Variants in ARHGAP30 observed in about 807,000 individuals in gnomAD.
The protein encoded by ARHGAP30 is Rho GTPase activating protein 30, also known as rho GTPase-activating protein 30.
A neutral mutation model predicts 72.0 loss-of-function variants in ARHGAP30; 23 were observed. The observed-to-expected ratio is 0.32, with a 90% CI of 0.23 to 0.45. ARHGAP30 has a LOEUF of 0.45. ARHGAP30 is among the 20% of genes least tolerant of loss of function. The pLI, the probability that ARHGAP30 is intolerant of heterozygous loss-of-function variation, is 1.00. For synonymous variants in ARHGAP30, 576 were observed against 528.2 expected (o/e 1.09, Z -1.24); for missense variants, 1,319 against 1,383.4 (o/e 0.95, Z 0.74).
intron 1 of ARHGAP30, among the ~76,000 whole-genome samples, chr1:161,060,984 G>C (rs545199211): frequency 6.6e-6 from 1 of 151,830 alleles, no homozygotes; most frequent in African/African-American, 2.4e-5. Context: ...GATTACAGGC[G>C]TGAGCCACCG....
chr1:161,055,838 AAAAT>A (rs576750487), intron 3 of ARHGAP30, among the ~76,000 whole-genome samples: 4,753 of 24,836 alleles, frequency 0.19, 321 homozygotes, highest in African/African-American at 0.36. Flanking sequence ...AAAATAAAAT[AAAAT>A]AAATAAAATA....
rs867847366 is a variant in ARHGAP30, at chr1:161,069,681, A to G, written c.-57T>C. 1 of 1,562,226 alleles carries G rather than the reference A, an allele frequency of 6.4e-7. No individual in the cohort carries two copies. Among genetic ancestry groups the G allele is most frequent in the South Asian group, 1.1e-5 (1 of 90,252 alleles). ...CTCTATCCCCCAAGACCTGTGCCCT[A>G]CCAGTCCCCCATGGGATCCCAGCCA... On this transcript the variant is annotated 5_prime_UTR_variant, in exon 1 of 12. It removes the in-frame stop codon of an upstream open reading frame in the 5' UTR. Transcript: ENST00000368013. The surrounding 1 kb of genome is among the most constrained non-coding windows in gnomAD (Gnocchi z 4.9).
In ARHGAP30 at chr1:161,049,634, G is replaced by T; in HGVS notation, c.1476C>A (p.Asp492Glu). The change falls in exon 11 of 12, where the codon GAC becomes GAA. Residue 492 changes from aspartate to glutamate, a missense_variant. Physicochemically the swap from Asp to Glu is conservative, Grantham distance 45. Transcript: ENST00000368013. ...AGTCCTCCAGGGCAGGAGCCAAGTC[G>T]TCTGGGCCTGAGTCTGCCAGGGGAC... is the stretch of plus-strand genomic sequence containing the variant. ...ASSPLADSGPDDLAPALEDSL... is the reference protein window; with the variant it reads ...ASSPLADSGPEDLAPALEDSL... 6.2e-7 allele frequency: 1 copy of T among 1,614,058 alleles called. No homozygotes were observed. The highest frequency in any genetic ancestry group is 8.5e-7 in the Non-Finnish European group (1 of 1,179,968).
chr1:161,056,254 C>A, intron 3 of ARHGAP30, 134 bp downstream of exon 3: 1 of 1,277,606 alleles, frequency 7.8e-7, no homozygotes, highest in Non-Finnish European at 1.1e-6. Flanking sequence ...GGGTCTTTTC[C>A]CCGGTAAGTT....
intron 1 of ARHGAP30, among the ~76,000 whole-genome samples, chr1:161,065,636 A>T (rs1408356775): frequency 6.8e-6 from 1 of 146,044 alleles, no homozygotes; most frequent in Non-Finnish European, 1.5e-5. Flanking sequence ...GCGCGATCTC[A>T]GTTCACTGCA....
chr1:161,055,156 TACTC>T (rs1466085876), intron 3 of ARHGAP30, among the ~76,000 whole-genome samples: 3 of 152,224 alleles, frequency 2.0e-5, no homozygotes, highest in South Asian at 2.1e-4. Flanking sequence ...TTTAAAGTGT[TACTC>T]AATTCAAAAT....
rs762756565 is a variant in ARHGAP30, at chr1:161,048,191, G to A, written c.2830C>T (p.Pro944Ser). The A allele has an allele frequency of 6.2e-7, 1 of 1,614,196 alleles. No individual in the cohort carries two copies. Residue 944 changes from proline to serine, a missense_variant, in exon 12 of 12, where the codon CCA (proline) becomes TCA (serine). By Grantham distance (74) the Pro-to-Ser change is moderately conservative (BLOSUM62 -1). Coordinates refer to ENST00000368013, the MANE Select transcript of ARHGAP30 (RefSeq NM_001025598.2). ...VRSVPVVPPK[P>S]QFAKMPSAMC... ...GCACTGGGCATCTTGGCAAACTGTG[G>A]CTTGGGGGGCACCACAGGCACAGAG...
At position 161,049,166 on chromosome 1, in the gene ARHGAP30, G is replaced by C; in HGVS notation, c.1855C>G (p.Leu619Val). The C allele has an allele frequency of 6.2e-7, 1 of 1,614,166 alleles. No individual in the cohort carries two copies. Among genetic ancestry groups the C allele is most frequent in the Non-Finnish European group, 8.5e-7 (1 of 1,180,026 alleles). Reference sequence around the variant, plus strand: ...CAGATTGGGGGTTTAGGTCCCAGAAGGGGACTTAGGTCATCATAGGCACTC... The same window carrying C: ...CAGATTGGGGGTTTAGGTCCCAGAACGGGACTTAGGTCATCATAGGCACTC... Reference protein sequence around the residue: ...FLSAYDDLSPLLGPKPPIWKG... With the variant: ...FLSAYDDLSPVLGPKPPIWKG... The change falls in exon 12 of 12, where the codon CTT becomes GTT. Residue 619 changes from leucine to valine, a missense_variant. This residue lies in a region of ARHGAP30 where 1,097 missense variants were observed against 1,045.2 expected (regional missense o/e 1.05). Coordinates refer to ENST00000368013, the MANE Select transcript of ARHGAP30 (RefSeq NM_001025598.2).
intron 1 of ARHGAP30, among the ~76,000 whole-genome samples, chr1:161,066,387 C>CTG (rs1302608486): frequency 6.0e-5 from 9 of 150,982 alleles, no homozygotes; most frequent in Non-Finnish European, 1.3e-4. Context: ...TGGCTCACAC[C>CTG]TGTAATCCCA....
intron 9 of ARHGAP30, among the ~76,000 whole-genome samples, chr1:161,052,070 C>G (rs1651442910): frequency 7.1e-6 from 1 of 140,520 alleles, no homozygotes; most frequent in Admixed American, 7.9e-5. Context: ...CATACCCATG[C>G]TGTCCCATCC....
Position 161,051,498 on chromosome 1 carries a change from G to T in ARHGAP30, c.1236C>A (p.Ile412=), listed in dbSNP as rs753022809. The change falls in exon 10 of 12, where the codon ATC becomes ATA. Residue 412 remains isoleucine (I), a synonymous_variant. Coordinates refer to ENST00000368013, the MANE Select transcript of ARHGAP30 (RefSeq NM_001025598.2). ...SRAERCAGVH[I]SDPYNVNLPL... ...GGAGGTTGACATTGTAGGGGTCTGA[G>T]ATGTGGACACCAGCACAGCGTTCTG... 1.2e-6 allele frequency: 2 copies of T among 1,614,256 alleles called. No individual in the cohort carries two copies. Among genetic ancestry groups the T allele is most frequent in the East Asian group, 4.5e-5 (2 of 44,894 alleles).
In ARHGAP30 at chr1:161,047,992, G is replaced by A. The variant is rs769853960; in HGVS notation, c.3029C>T (p.Thr1010Ile). ...GGTTCGCCGAACTCCTTGAGCCTCAGTCCTTTGGCGGTCCCGGGCTAGGGC... is the reference window on the plus strand; with the variant it reads ...GGTTCGCCGAACTCCTTGAGCCTCAATCCTTTGGCGGTCCCGGGCTAGGGC... ...AVALARDRQR[T>I]EAQGVRRTQT... Residue 1010 changes from threonine to isoleucine, a missense_variant, in exon 12 of 12, where the codon ACT becomes ATT. Physicochemically the swap from Thr to Ile is moderately conservative, Grantham distance 89. Transcript: ENST00000368013. 3 of 1,614,050 alleles carry A rather than the reference G, an allele frequency of 1.9e-6. No homozygotes were observed. The highest frequency in any genetic ancestry group is 1.7e-6 in the Non-Finnish European group (2 of 1,180,024).
rs552349641 is a variant in ARHGAP30 at position 161,069,331 on chromosome 1, A to T, written c.97+197T>A. On this transcript the variant is annotated intron_variant, in intron 1 of 11. Transcript: ENST00000368013. The surrounding 1 kb of genome is among the most constrained non-coding windows in gnomAD (Gnocchi z 4.9). ...AGCCACCCCATCCCCAGAAAGTTAC[A>T]CAAGGGAGCCGCCCTGCCTTCTTCA... 7.2e-5 allele frequency among the ~76,000 whole-genome samples: 11 copies of T among 152,022 alleles called. No homozygotes were observed. In the South Asian group the frequency reaches 1.7e-3, roughly 23 times the overall value.
At chr1:161,066,299 G>A (rs1006318348) in intron 1 of ARHGAP30, among the ~76,000 whole-genome samples, 1 of 149,892 alleles carries the variant, frequency 6.7e-6, no homozygotes, top group Non-Finnish European at 1.5e-5. Flanking sequence ...TATTCTCAGG[G>A]CCATGGAGAT....
Position 161,047,753 on chromosome 1 carries a change from C to G in ARHGAP30, c.3268G>C (p.Glu1090Gln), listed in dbSNP as rs749173638. The G allele has an allele frequency of 1.9e-6, 3 of 1,538,632 alleles. No homozygotes were observed. Among genetic ancestry groups the G allele is most frequent in the Non-Finnish European group, 2.6e-6 (3 of 1,144,808 alleles). Residue 1090 changes from glutamate to glutamine, a missense_variant, in exon 12 of 12, where the codon GAA (glutamate) becomes CAA (glutamine). Transcript: ENST00000368013. ...CCTTTCCCAGGGTTAGCCTGTGTTT[C>G]AAATGCATATGACCTGCGCTGAGAG... Reference protein sequence around the residue: ...LSSQRRSYAFETQANPGKGEG... With the variant: ...LSSQRRSYAFQTQANPGKGEG...
At chr1:161,065,652 C>T (rs1452862684) in intron 1 of ARHGAP30, among the ~76,000 whole-genome samples, 2 of 151,332 alleles carry the variant, frequency 1.3e-5, no homozygotes, top group African/African-American at 2.4e-5. Flanking sequence ...CTGCAACCTC[C>T]GCCTCCCAGA....
chr1:161,051,657 G>A lies in ARHGAP30; in HGVS notation c.1077C>T (p.Ser359=). ...SPRPSPLLPE[S]LENDSIEAAE... ...CTGCCTCTATAGAATCGTTCTCCAA[G>A]CTCTCAGGCAGCAATGGGCTTGGCC... Residue 359 remains serine, a synonymous_variant, in exon 10 of 12, where the codon AGC becomes AGT. Transcript: ENST00000368013. The A allele has an allele frequency of 1.2e-6, 2 of 1,612,912 alleles. No homozygotes were observed. Among genetic ancestry groups the A allele is most frequent in the Non-Finnish European group, 1.7e-6 (2 of 1,180,002 alleles).
At chr1:161,053,219 C>T in intron 6 of ARHGAP30, 39 bp downstream of exon 6, 3 of 1,611,002 alleles carry the variant, frequency 1.9e-6, no homozygotes, top group Non-Finnish European at 1.7e-6. Context: ...ACTTGACTCC[C>T]CAACAGTGGG....
In ARHGAP30 at chr1:161,048,697, T is replaced by C; in HGVS notation, c.2324A>G (p.Glu775Gly). 3 of 1,614,108 alleles carry C rather than the reference T, an allele frequency of 1.9e-6. No individual in the cohort carries two copies. The highest frequency in any genetic ancestry group is 2.5e-6 in the Non-Finnish European group (3 of 1,180,030). ...CCATTTCTCCTCAGCAACTTGATCT[T>C]CCTGGGCCCCTTGCTCTAGGTCCCT... ...AGRDLEQGAQ[E>G]DQVAEEKWEV... Residue 775 changes from glutamate (E) to glycine (G), a missense_variant, in exon 12 of 12, where the codon GAA becomes GGA. Glu to Gly is a moderately conservative substitution (Grantham distance 98, BLOSUM62 -2). Coordinates refer to ENST00000368013, the MANE Select transcript of ARHGAP30 (RefSeq NM_001025598.2).
Sources: gnomAD v4.1 joint callset for allele counts (sites outside exome capture counted in the v4.1 genomes callset) on GRCh38, gnomAD v4.1.1 for gene constraint, gnomAD v4.1.1 regional missense constraint, Gnocchi (gnomAD v3.1) non-coding constraint, MANE v1.5 for transcripts, NCBI Gene and HGNC (gene_info 2026-07-23, HGNC 2026-07-21) for gene names.